Variants in SYNPR observed in about 807,000 individuals in gnomAD.
SYNPR encodes the protein synaptoporin.
A neutral mutation model predicts 32.9 loss-of-function variants in SYNPR; 23 were observed. The observed-to-expected ratio is 0.70, with a 90% CI of 0.50 to 0.99. SYNPR has a LOEUF of 0.99. Ranked by LOEUF, SYNPR falls within the 50% of genes least tolerant of loss-of-function variation. The probability of loss-of-function intolerance (pLI) is 0.00; values close to 1 mark genes in which losing one functional copy is unlikely to be tolerated. For synonymous variants in SYNPR, 146 were observed against 135.9 expected (o/e 1.07, Z -0.52); for missense variants, 318 against 349.3 (o/e 0.91, Z 0.71).
chr3:63,344,004 C>T (rs1323806180), intron 2 of SYNPR, among the ~76,000 whole-genome samples: 2 of 152,236 alleles, frequency 1.3e-5, no homozygotes, highest in African/African-American at 4.8e-5. Context: ...AGATGTACAT[C>T]ATTAGGAGAG....
chr3:63,278,960 G>T (rs1575584070), intron 2 of SYNPR, among the ~76,000 whole-genome samples: 1 of 152,302 alleles, frequency 6.6e-6, no homozygotes, highest in East Asian at 1.9e-4. Flanking sequence ...ACGCATTTTT[G>T]CAGGGGCTTA....
the SYNPR span, among the ~76,000 whole-genome samples, chr3:63,201,575 G>A: frequency 1.3e-5 from 2 of 152,056 alleles, no homozygotes; most frequent in Non-Finnish European, 2.9e-5. Flanking sequence ...TACTGATTGG[G>A]AGATATCTTT....
intron 3 of SYNPR, among the ~76,000 whole-genome samples, chr3:63,272,479 G>T (rs1042818504): frequency 2.7e-5 from 4 of 149,760 alleles, no homozygotes; most frequent in Non-Finnish European, 4.4e-5. Flanking sequence ...GCAGTGTCTG[G>T]TGTTAAAACT....
chr3:63,304,384 A>T (rs2106945061), intron 2 of SYNPR, among the ~76,000 whole-genome samples: 1 of 146,544 alleles, frequency 6.8e-6, no homozygotes, highest in South Asian at 2.1e-4. Flanking sequence ...GTGTGTGTGT[A>T]AGAAATTTTA....
At chr3:63,280,725 G>GGTGT (rs144039056) in intron 2 of SYNPR, among the ~76,000 whole-genome samples, 132 of 149,982 alleles carry the variant, frequency 8.8e-4, no homozygotes, top group African/African-American at 1.4e-3. Context: ...TTGGGGGAGG[G>GGTGT]GTGTGTGTGT....
At chr3:63,203,132 A>G in the SYNPR span, 2 of 142,378 alleles carry the variant, frequency 1.4e-5, no homozygotes, top group South Asian at 4.4e-4. Context: ...GTGAGTTTTT[A>G]AAAACAAGCA....
At chr3:63,494,613 T>A (rs1280875038) in intron 3 of SYNPR, among the ~76,000 whole-genome samples, 2 of 151,444 alleles carry the variant, frequency 1.3e-5, no homozygotes, top group Admixed American at 1.3e-4. Flanking sequence ...AAGTTTACCA[T>A]ATACCAGGAC....
At chr3:63,563,884 T>A (rs1471765111) in intron 4 of SYNPR, among the ~76,000 whole-genome samples, 1 of 148,676 alleles carries the variant, frequency 6.7e-6, no homozygotes, top group African/African-American at 2.5e-5. Context: ...TCATAAAGTA[T>A]AATAAAAAAA....
intron 2 of SYNPR, among the ~76,000 whole-genome samples, chr3:63,354,733 C>T (rs1407277468): frequency 6.6e-6 from 1 of 152,152 alleles, no homozygotes; most frequent in South Asian, 2.1e-4. Flanking sequence ...TGCTTTTCAT[C>T]ATTATTCTTG....
chr3:63,575,417 T>A (rs746268345), intron 4 of SYNPR, among the ~76,000 whole-genome samples: 18 of 152,042 alleles, frequency 1.2e-4, no homozygotes, highest in Non-Finnish European at 2.4e-4. Flanking sequence ...CACTCTCAGC[T>A]CCTATTCCCA....
rs1390140549 is a variant in SYNPR, at chr3:63,527,682, G to C, written c.210-28861G>C. Among the ~76,000 whole-genome samples, 7 of 152,130 alleles carry C rather than the reference G, an allele frequency of 4.6e-5. 1 individual carries two copies. On this transcript the variant is annotated intron_variant, in intron 3 of 5. Coordinates refer to ENST00000478300, the MANE Select transcript of SYNPR (RefSeq NM_001130003.2). ...AACTATCCTTGAAAAGATTTCCCCT[G>C]ATAGCCAAATGCATAAGCCTCCTTG... is the stretch of plus-strand genomic sequence containing the variant.
intron 2 of SYNPR, among the ~76,000 whole-genome samples, chr3:63,318,879 T>C (rs994652220): frequency 1.3e-5 from 2 of 152,034 alleles, no homozygotes; most frequent in Non-Finnish European, 2.9e-5. Context: ...CCTTCTCATT[T>C]GGGTAGGCTC....
chr3:63,448,400 T>C lies in SYNPR; in HGVS notation c.85-32432T>C, dbSNP rs117927751. The stretch of plus-strand genomic sequence containing the variant: ...AAATATTTTGGGCTCATTTTATTTC[T>C]GGTAAAATATGGCTTTCAGAATATA... On this transcript the variant is annotated intron_variant, in intron 2 of 5. Transcript: ENST00000478300. 1.4e-3 allele frequency among the ~76,000 whole-genome samples: 218 copies of C among 152,348 alleles called. 3 individuals are homozygous for C. In the East Asian group the frequency reaches 0.033, roughly 23 times the overall value.
At chr3:63,609,049 G>A (rs1441867614) in intron 4 of SYNPR, 76 bp from the exon 5 acceptor site, 2 of 1,478,440 alleles carry the variant, frequency 1.4e-6, no homozygotes, top group Non-Finnish European at 1.8e-6. Flanking sequence ...AAACCAAATA[G>A]TTATATAAAC....
intron 2 of SYNPR, among the ~76,000 whole-genome samples, chr3:63,254,911 T>C (rs1230225827): frequency 6.6e-6 from 1 of 152,170 alleles, no homozygotes; most frequent in Non-Finnish European, 1.5e-5. Flanking sequence ...GGGAAGATCA[T>C]GTGAAGACAC....
intron 2 of SYNPR, among the ~76,000 whole-genome samples, chr3:63,319,974 G>C (rs533290156): frequency 6.6e-6 from 1 of 152,064 alleles, no homozygotes; most frequent in East Asian, 2.0e-4. Context: ...TATTGAGACA[G>C]GGTCTTGCCC....
At chr3:63,608,281 A>G (rs575758488) in intron 4 of SYNPR, among the ~76,000 whole-genome samples, 48 of 152,284 alleles carry the variant, frequency 3.2e-4, no homozygotes, top group South Asian at 2.9e-3. Context: ...TGATATGGAT[A>G]AAAGCTTCTT....
intron 4 of SYNPR, among the ~76,000 whole-genome samples, chr3:63,595,814 T>TATAA (rs1491289085): frequency 1.5e-5 from 1 of 66,182 alleles, no homozygotes; most frequent in Non-Finnish European, 2.7e-5. Flanking sequence ...TATATATATA[T>TATAA]AGTTTTATAT....
At chr3:63,301,167 C>G (rs2086841519) in intron 2 of SYNPR, among the ~76,000 whole-genome samples, 1 of 152,092 alleles carries the variant, frequency 6.6e-6, no homozygotes, top group South Asian at 2.1e-4. Flanking sequence ...TTTCCTTCAT[C>G]ATCTGTTACT....
Sources: allele counts gnomAD v4.1 joint callset (sites outside exome capture counted in the v4.1 genomes callset), GRCh38; gene constraint gnomAD v4.1.1; transcripts MANE v1.5; gene names NCBI Gene and HGNC (gene_info 2026-07-23, HGNC 2026-07-21).